Variants in USP9X observed in about 807,000 individuals in gnomAD.
USP9X encodes the protein ubiquitin specific peptidase 9 X-linked, also known as ubiquitin carboxyl-terminal hydrolase 9X.
Under a neutral mutation model 190.3 loss-of-function variants are expected in USP9X, and 7 were observed. The ratio of observed to expected loss-of-function variants is 0.04; its 90% CI spans 0.02 to 0.07. The LOEUF (loss-of-function observed/expected upper bound fraction) is 0.07, where lower values mean the gene tolerates loss of function less well. Among genes scored for constraint, USP9X ranks in the 10% least tolerant of loss-of-function variants. The pLI is 1.00. For synonymous variants in USP9X, 645 were observed against 659.5 expected (o/e 0.98, Z 0.34); for missense variants, 1,010 against 1,916.9 (o/e 0.53, Z 8.83).
intron 1 of USP9X, among the ~76,000 whole-genome samples, chrX:41,111,297 C>G (rs1419928115): frequency 9.0e-6 from 1 of 111,688 alleles, no homozygotes; most frequent in Non-Finnish European, 1.9e-5. Flanking sequence ...ATCTGTAAAC[C>G]AGAACGCAGG....
chrX:41,223,452 T>C (rs1382789784), intron 39 of USP9X, 50 bp downstream of exon 39: 6 of 1,165,863 alleles, frequency 5.1e-6, no homozygotes, highest in Non-Finnish European at 7.0e-6. Flanking sequence ...GTTTGTTTGT[T>C]TTGAGACAGA....
chrX:41,214,440 G>A (rs750092847), intron 33 of USP9X, 128 bp from the exon 34 acceptor site: 24 of 623,701 alleles, frequency 3.8e-5, no homozygotes, highest in South Asian at 8.6e-5. Flanking sequence ...AAACCTGCAC[G>A]TTGTGGACAT....
chrX:41,232,571 T>C lies in USP9X; in HGVS notation c.*47T>C, dbSNP rs1043011904. The stretch of plus-strand genomic sequence containing the variant: ...CCATCAAGACTGTGCACCCAGGCCT[T>C]ACAGTCCAACCTTTTTCTGTGTCTG... On this transcript the variant is annotated 3_prime_UTR_variant, in exon 45 of 45. Coordinates refer to ENST00000378308, the MANE Select transcript of USP9X (RefSeq NM_001039591.3). 2 of 1,168,232 alleles carry C rather than the reference T, an allele frequency of 1.7e-6. No homozygotes were observed.
At chrX:41,222,320 T>A (rs1269217627) in intron 38 of USP9X, among the ~76,000 whole-genome samples, 1 of 109,310 alleles carries the variant, frequency 9.1e-6, no homozygotes, top group Non-Finnish European at 1.9e-5. Flanking sequence ...CAAAAAGAGG[T>A]AGAAAGAAAA....
chrX:41,132,278 C>A (rs1323297032), intron 4 of USP9X, among the ~76,000 whole-genome samples: 5 of 102,943 alleles, frequency 4.9e-5, no homozygotes, highest in Non-Finnish European at 9.8e-5. Context: ...TACAGGCATG[C>A]GCCACCATGC....
chrX:41,143,044 T>C (rs948855959), intron 9 of USP9X, among the ~76,000 whole-genome samples: 2 of 111,766 alleles, frequency 1.8e-5, no homozygotes, highest in Non-Finnish European at 3.8e-5. Flanking sequence ...ATAATATTTT[T>C]CTGAGTAAAT....
Position 41,171,884 on chromosome X carries a change from C to G in USP9X, c.3074C>G (p.Ala1025Gly), listed in dbSNP as rs2062729317. ...PRYISFLWQVADLGSSLNMPP... is the reference protein window; with the variant it reads ...PRYISFLWQVGDLGSSLNMPP... ...TACATCTCTTTTCTTTGGCAAGTTG[C>G]AGACTTAGGTAGCAGCCTAAATATG... Residue 1025 changes from alanine to glycine, a missense_variant, in exon 21 of 45, where the codon GCA becomes GGA. Coordinates refer to ENST00000378308, the MANE Select transcript of USP9X (RefSeq NM_001039591.3). 1 of 1,208,532 alleles carries G rather than the reference C, an allele frequency of 8.3e-7. No individual in the cohort carries two copies. Among genetic ancestry groups the G allele is most frequent in the South Asian group, 1.8e-5 (1 of 56,759 alleles).
chrX:41,122,880 C>T (rs185485627), intron 1 of USP9X, among the ~76,000 whole-genome samples: 9 of 110,962 alleles, frequency 8.1e-5, no homozygotes, highest in Admixed American at 1.9e-4. Context: ...CAATCTCCAA[C>T]GGCCCCCAGC....
chrX:41,115,447 A>C (rs763409417), intron 1 of USP9X, among the ~76,000 whole-genome samples: 1 of 111,935 alleles, frequency 8.9e-6, no homozygotes, highest in African/African-American at 3.2e-5. Flanking sequence ...GGAATAGGCA[A>C]AATTCACAAG....
At chrX:41,138,589 A>C (rs1469887154) in intron 6 of USP9X, among the ~76,000 whole-genome samples, 1 of 111,449 alleles carries the variant, frequency 9.0e-6, no homozygotes, top group Non-Finnish European at 1.9e-5. Flanking sequence ...TACACCTCCT[A>C]CCCTCCTGGG....
intron 2 of USP9X, among the ~76,000 whole-genome samples, chrX:41,126,533 T>A (rs969650590): frequency 2.7e-5 from 3 of 112,026 alleles, no homozygotes; most frequent in African/African-American, 9.7e-5. Flanking sequence ...AACCTTTAAT[T>A]TAACCTTACT....
intron 14 of USP9X, among the ~76,000 whole-genome samples, chrX:41,154,996 T>C (rs752042955): frequency 8.9e-6 from 1 of 111,894 alleles, no homozygotes; most frequent in Non-Finnish European, 1.9e-5. Flanking sequence ...ATTTCTAAAT[T>C]TGCAATTCTA....
chrX:41,211,420 G>A (rs2063156560), intron 33 of USP9X, among the ~76,000 whole-genome samples: 1 of 113,118 alleles, frequency 8.8e-6, no homozygotes, highest in Non-Finnish European at 1.9e-5. Context: ...TGTAAATACA[G>A]TAAGTTTAGA....
Position 41,196,641 on chromosome X carries a change from T to A in USP9X, c.4136T>A (p.Leu1379Ter), listed in dbSNP as rs1192341477. Reference sequence around the variant, plus strand: ...CACTCAGGCGACTACTTTACTCTTTTAAGACACCTTCTTAATTACGCTTAC... The same window carrying A: ...CACTCAGGCGACTACTTTACTCTTTAAAGACACCTTCTTAATTACGCTTAC... ...AKHSGDYFTL[L>*]RHLLNYAYNS... The change falls in exon 28 of 45, where the codon TTA (leucine) becomes TAA (stop). Residue 1379 changes from leucine to a stop codon, truncating the protein, a stop_gained. Coordinates refer to ENST00000378308, the MANE Select transcript of USP9X (RefSeq NM_001039591.3). LOFTEE classifies it high-confidence loss of function. 8.3e-7 allele frequency: 1 copy of A among 1,207,081 alleles called. No individual in the cohort carries two copies. Among genetic ancestry groups the A allele is most frequent in the Admixed American group, 2.2e-5 (1 of 45,658 alleles).
chrX:41,107,937 A>G (rs2062082196), intron 1 of USP9X, among the ~76,000 whole-genome samples: 1 of 112,376 alleles, frequency 8.9e-6, no homozygotes, highest in South Asian at 3.6e-4. Flanking sequence ...GAACATAAGC[A>G]TAAGAGCTGT....
At chrX:41,177,796 T>C (rs1453848124) in intron 21 of USP9X, among the ~76,000 whole-genome samples, 1 of 111,414 alleles carries the variant, frequency 9.0e-6, no homozygotes, top group Non-Finnish European at 1.9e-5. Flanking sequence ...ATTTGTCATA[T>C]ATGATCACTC....
At chrX:41,165,654 G>A (rs1009875070) in intron 15 of USP9X, among the ~76,000 whole-genome samples, 1 of 111,638 alleles carries the variant, frequency 9.0e-6, no homozygotes, top group Admixed American at 9.5e-5. Context: ...GCACAAAGTG[G>A]GTGTTCAGTG....
intron 36 of USP9X, among the ~76,000 whole-genome samples, chrX:41,217,570 T>A (rs764508088): frequency 9.0e-6 from 1 of 111,570 alleles, no homozygotes; most frequent in Non-Finnish European, 1.9e-5. Flanking sequence ...GTATCATATC[T>A]TTGACATCCC....
chrX:41,207,569 G>T (rs1277829935), intron 32 of USP9X, among the ~76,000 whole-genome samples: 1 of 111,712 alleles, frequency 9.0e-6, no homozygotes, highest in Non-Finnish European at 1.9e-5. Flanking sequence ...ACTACGTCAT[G>T]CACTGTGCTA....
Sources: allele counts gnomAD v4.1 joint callset (sites outside exome capture counted in the v4.1 genomes callset), GRCh38; gene constraint gnomAD v4.1.1; transcripts MANE v1.5; gene names NCBI Gene and HGNC (gene_info 2026-07-23, HGNC 2026-07-21).